The following DSCAM variants were observed in gnomAD, a reference collection of about 807,000 sequenced individuals.
DSCAM encodes DS cell adhesion molecule.
In DSCAM, 47 loss-of-function variants were observed where a neutral mutation model predicts 217.7. The observed-to-expected ratio is 0.22, with a 90% CI of 0.17 to 0.28. The LOEUF is 0.28. Ranked by LOEUF, DSCAM falls within the 10% of genes least tolerant of loss-of-function variation. The probability of loss-of-function intolerance (pLI) is 1.00; values close to 1 mark genes in which losing one functional copy is unlikely to be tolerated. For missense variants in DSCAM, 2,080 were observed against 2,618.3 expected, an observed-to-expected ratio of 0.79 and a Z score of 4.49; for synonymous variants, 1,056 against 1,015.3, an observed-to-expected ratio of 1.04 and a Z score of -0.76.
In DSCAM at chr21:40,734,171, G is replaced by A. The variant is rs148971281; in HGVS notation, c.44-25400C>T. Among the ~76,000 whole-genome samples the A allele has an allele frequency of 3.9e-5, 6 of 152,238 alleles. No individual in the cohort carries two copies. The East Asian group carries it at 1.2e-3, about 30-fold the overall frequency. On this transcript the variant is annotated intron_variant, in intron 1 of 32. Coordinates refer to ENST00000400454, the MANE Select transcript of DSCAM (RefSeq NM_001389.5). ...CATCTAGAAATCGGAGTCACCCCAA[G>A]AAACGCTAAATGTTGTCAAAAGATG...
chr21:40,591,605 T>C (rs1306826347), intron 3 of DSCAM, among the ~76,000 whole-genome samples: 1 of 152,202 alleles, frequency 6.6e-6, no homozygotes, highest in Non-Finnish European at 1.5e-5. Context: ...GTTAAATTTC[T>C]TGGAATAATT....
At chr21:40,602,053 CTTTTTTT>C (rs761687929) in intron 3 of DSCAM, among the ~76,000 whole-genome samples, 22 of 89,524 alleles carry the variant, frequency 2.5e-4, no homozygotes, top group Non-Finnish European at 3.1e-4. Flanking sequence ...TCTGCTTCTA[CTTTTTTT>C]TTTTTTTTTT....
Position 40,353,472 on chromosome 21 carries a change from G to A in DSCAM, c.927C>T (p.Tyr309=), listed in dbSNP as rs754944308. Residue 309 remains tyrosine, a synonymous_variant, in exon 5 of 33, where the codon TAC becomes TAT. Transcript: ENST00000400454. ...AGTTACCGTCCAACTTACGTTTCAC[G>A]TACAGGCGGCCTATCACCTTAGCAG... The part of the protein sequence containing the change: ...YGTAKVIGRL[Y]VKQPLKATIS... The A allele has an allele frequency of 1.0e-5, 16 of 1,602,856 alleles. No homozygotes were observed. The highest frequency in any genetic ancestry group is 6.7e-5 in the East Asian group (3 of 44,582).
At chr21:40,204,248 CA>C (rs1037506559) in intron 11 of DSCAM, among the ~76,000 whole-genome samples, 1 of 152,152 alleles carries the variant, frequency 6.6e-6, no homozygotes, top group African/African-American at 2.4e-5. Context: ...AGCACGTGTG[CA>C]ATTCTATGCA....
At chr21:40,320,995 G>A (rs1185881706) in intron 8 of DSCAM, among the ~76,000 whole-genome samples, 1 of 152,198 alleles carries the variant, frequency 6.6e-6, no homozygotes, top group Non-Finnish European at 1.5e-5. Flanking sequence ...CATGGCAAAA[G>A]TTAATGAGGG....
At chr21:40,408,796 T>C (rs2075299624) in intron 3 of DSCAM, among the ~76,000 whole-genome samples, 1 of 152,212 alleles carries the variant, frequency 6.6e-6, no homozygotes, top group African/African-American at 2.4e-5. Context: ...AGTCACTGTG[T>C]GCCCCATGAT....
At chr21:40,236,682 G>A (rs911191009) in intron 11 of DSCAM, among the ~76,000 whole-genome samples, 2 of 152,124 alleles carry the variant, frequency 1.3e-5, no homozygotes, top group African/African-American at 4.8e-5. Flanking sequence ...TTAAAATGAG[G>A]TTAATAATAG....
intron 1 of DSCAM, among the ~76,000 whole-genome samples, chr21:40,803,841 T>C (rs1230637961): frequency 1.3e-5 from 2 of 152,088 alleles, no homozygotes; most frequent in East Asian, 3.9e-4. Flanking sequence ...ATCCCACAGC[T>C]GGGAAGATTT....
intron 1 of DSCAM, among the ~76,000 whole-genome samples, chr21:40,774,557 G>A (rs141226384): frequency 6.6e-6 from 1 of 152,334 alleles, no homozygotes; most frequent in Non-Finnish European, 1.5e-5. Flanking sequence ...ACATGAGTCA[G>A]TCTTATTCCA....
chr21:40,077,112 G>T (rs947717719), intron 26 of DSCAM, among the ~76,000 whole-genome samples: 2 of 152,308 alleles, frequency 1.3e-5, no homozygotes, highest in South Asian at 2.1e-4. Context: ...AAAAGCATCA[G>T]CCCTTGAAGA....
intron 3 of DSCAM, among the ~76,000 whole-genome samples, chr21:40,514,701 A>T (rs1354778663): frequency 6.6e-6 from 1 of 152,218 alleles, no homozygotes; most frequent in Non-Finnish European, 1.5e-5. Context: ...CCTGCAGAAC[A>T]ATTTGCTTTC....
At chr21:40,032,771 T>A (rs1030042545) in intron 32 of DSCAM, among the ~76,000 whole-genome samples, 2 of 152,104 alleles carry the variant, frequency 1.3e-5, no homozygotes, top group Non-Finnish European at 1.5e-5. Flanking sequence ...CTCAAGGAAA[T>A]CATCTTTTGC....
At chr21:40,453,040 T>TTGTG (rs3069917) in intron 3 of DSCAM, among the ~76,000 whole-genome samples, 8,631 of 134,170 alleles carry the variant, frequency 0.064, 253 homozygotes, top group Middle Eastern at 0.077. Context: ...TTTAAAGACT[T>TTGTG]TGTGTGTGTG....
chr21:40,746,810 A>G (rs1469805283), intron 1 of DSCAM, among the ~76,000 whole-genome samples: 2 of 151,958 alleles, frequency 1.3e-5, no homozygotes, highest in Non-Finnish European at 2.9e-5. Context: ...AGGATAGATT[A>G]TGAAAGTCAC....
chr21:40,805,743 C>T (rs1240810885), intron 1 of DSCAM, among the ~76,000 whole-genome samples: 1 of 151,690 alleles, frequency 6.6e-6, no homozygotes, highest in Non-Finnish European at 1.5e-5. Context: ...GAGTCTTGCT[C>T]TGTCACCCAG....
intron 3 of DSCAM, among the ~76,000 whole-genome samples, chr21:40,687,430 G>A (rs752784080): frequency 2.4e-4 from 37 of 152,056 alleles, no homozygotes; most frequent in Admixed American, 1.8e-3. Flanking sequence ...GCTCAGTGAG[G>A]AGCAATAAAA....
chr21:40,717,440 T>C (rs1314418097), intron 1 of DSCAM, among the ~76,000 whole-genome samples: 1 of 152,234 alleles, frequency 6.6e-6, no homozygotes, highest in Non-Finnish European at 1.5e-5. Flanking sequence ...TACATGTCTA[T>C]CCCCTGAAGA....
chr21:40,586,455 G>A (rs1472243592), intron 3 of DSCAM, among the ~76,000 whole-genome samples: 5 of 152,198 alleles, frequency 3.3e-5, no homozygotes, highest in African/African-American at 4.8e-5. Flanking sequence ...TTGGGAAAGA[G>A]TGTTCAGAAG....
At chr21:40,833,039 C>T (rs2092024671) in intron 1 of DSCAM, among the ~76,000 whole-genome samples, 1 of 152,084 alleles carries the variant, frequency 6.6e-6, no homozygotes, top group African/African-American at 2.4e-5. Context: ...AAATATAAAC[C>T]TAAAATAAAC....
Sources: allele counts gnomAD v4.1 joint callset (sites outside exome capture counted in the v4.1 genomes callset), GRCh38; gene constraint gnomAD v4.1.1; transcripts MANE v1.5; gene names NCBI Gene and HGNC (gene_info 2026-07-23, HGNC 2026-07-21).